Variants in NRP2 observed in about 807,000 individuals in gnomAD.
NRP2 encodes the protein neuropilin 2.
Under a neutral mutation model 110.4 loss-of-function variants are expected in NRP2, and 52 were observed. The ratio of observed to expected loss-of-function variants is 0.47; its 90% CI spans 0.38 to 0.59. The LOEUF (loss-of-function observed/expected upper bound fraction) is 0.59, where lower values mean the gene tolerates loss of function less well. Ranked by LOEUF, NRP2 falls within the 20% of genes least tolerant of loss-of-function variation. NRP2 has a pLI of 0.00. For synonymous variants in NRP2, 508 were observed against 468.9 expected (o/e 1.08, Z -1.08); for missense variants, 1,049 against 1,203.0 (o/e 0.87, Z 1.89).
intron 7 of NRP2, among the ~76,000 whole-genome samples, chr2:205,736,455 G>A (rs956579352): frequency 5.3e-5 from 8 of 152,188 alleles, no homozygotes; most frequent in Non-Finnish European, 1.0e-4. Flanking sequence ...GCAACCCACC[G>A]ATTTTTCTCA....
At chr2:205,759,268 T>C (rs1387515305) in intron 12 of NRP2, among the ~76,000 whole-genome samples, 1 of 152,130 alleles carries the variant, frequency 6.6e-6, no homozygotes, top group Non-Finnish European at 1.5e-5. Context: ...TGTCTCTAAG[T>C]TGGAAAACAG....
intron 15 of NRP2, among the ~76,000 whole-genome samples, chr2:205,789,835 G>A (rs931861103): frequency 4.6e-5 from 7 of 152,228 alleles, no homozygotes; most frequent in Admixed American, 2.0e-4. Context: ...AAGGAAAGTG[G>A]CTGGTAAAGG....
At chr2:205,786,822 G>A (rs1227953629) in intron 15 of NRP2, among the ~76,000 whole-genome samples, 2 of 152,110 alleles carry the variant, frequency 1.3e-5, no homozygotes, top group African/African-American at 4.8e-5. Context: ...TGAGCCAAAC[G>A]GGCAAGTATT....
At chr2:205,779,781 T>C (rs1575674174) in intron 15 of NRP2, 1 of 152,248 alleles carries the variant, frequency 6.6e-6, no homozygotes, top group African/African-American at 2.4e-5. Context: ...AGCAAACTGA[T>C]GCTTCCAAAG....
rs116234005 is a variant in NRP2, at chr2:205,728,736, T to C, written c.1146+690T>C. ...CTGGGTCTGCAGCTGGCACAGGCGA[T>C]GTGCTGGCTCTATGTGTATATACAC... On this transcript the variant is annotated intron_variant, in intron 7 of 16. Coordinates refer to ENST00000357785, the MANE Select transcript of NRP2 (RefSeq NM_003872.3). Among the ~76,000 whole-genome samples, 252 of 152,350 alleles carry C rather than the reference T, an allele frequency of 1.7e-3. 1 individual carries two copies. The highest frequency in any genetic ancestry group is 3.0e-3 in the Non-Finnish European group (203 of 68,034).
chr2:205,746,015 C>A, intron 10 of NRP2, 125 bp downstream of exon 10: 1 of 1,061,726 alleles, frequency 9.4e-7, no homozygotes, highest in South Asian at 1.3e-5. Context: ...CTGCAGACCC[C>A]TGCCATGTTC....
intron 7 of NRP2, among the ~76,000 whole-genome samples, chr2:205,729,912 T>A (rs1348027113): frequency 6.6e-6 from 1 of 152,218 alleles, no homozygotes; most frequent in Non-Finnish European, 1.5e-5. Context: ...TAGATTTAGT[T>A]CCCCAGCAGC....
rs2058364410 is a variant in NRP2 at position 205,797,976 on chromosome 2, A to G, written c.*2918A>G. 1 of 152,638 alleles carries G rather than the reference A, an allele frequency of 6.6e-6. No homozygotes were observed. The highest frequency in any genetic ancestry group is 6.5e-5 in the Admixed American group (1 of 15,290). The allele number at this position is 152,638 out of a possible 1,614,324, so 9.5% of individuals were successfully genotyped here. Reference sequence around the variant, plus strand: ...TTTTTCAGGGTTTGCAGTTAGAGGTATTCGACCATTCACTGGCTGAGCCAG... The same window carrying G: ...TTTTTCAGGGTTTGCAGTTAGAGGTGTTCGACCATTCACTGGCTGAGCCAG... On this transcript the variant is annotated 3_prime_UTR_variant, in exon 17 of 17. Coordinates refer to ENST00000357785, the MANE Select transcript of NRP2 (RefSeq NM_003872.3).
At chr2:205,759,045 T>C (rs1426388516) in intron 12 of NRP2, among the ~76,000 whole-genome samples, 1 of 152,188 alleles carries the variant, frequency 6.6e-6, no homozygotes, top group Non-Finnish European at 1.5e-5. Flanking sequence ...CAAACTTCAG[T>C]TGCAGCACGT....
chr2:205,728,234 G>A (rs73983246), intron 7 of NRP2, among the ~76,000 whole-genome samples, 188 bp downstream of exon 7: 4,650 of 152,278 alleles, frequency 0.031, 230 homozygotes, highest in African/African-American at 0.1. Flanking sequence ...GGAAAACACC[G>A]TTTCTCTGAC....
chr2:205,691,505 T>C lies in NRP2; in HGVS notation c.74-6039T>C, dbSNP rs375110268. The stretch of plus-strand genomic sequence containing the variant: ...ATTATAAATAATAGCTTGGGCTCAA[T>C]TCAAGGCCCAAATTGCTAGGCAAAG... On this transcript the variant is annotated intron_variant, in intron 1 of 16. Coordinates refer to ENST00000357785, the MANE Select transcript of NRP2 (RefSeq NM_003872.3). Among the ~76,000 whole-genome samples the C allele has an allele frequency of 4.8e-4, 73 of 152,354 alleles. 1 individual carries two copies. The highest frequency in any genetic ancestry group is 1.7e-3 in the African/African-American group (70 of 41,580).
intron 1 of NRP2, among the ~76,000 whole-genome samples, chr2:205,695,919 T>C (rs1348076845): frequency 6.6e-6 from 1 of 152,106 alleles, no homozygotes; most frequent in Non-Finnish European, 1.5e-5. Context: ...TCATGTGGTC[T>C]GGGTGGGAGG....
intron 2 of NRP2, among the ~76,000 whole-genome samples, chr2:205,699,574 A>G (rs76149201): frequency 0.019 from 2,894 of 152,306 alleles, 70 homozygotes; most frequent in East Asian, 0.087. Context: ...GGGAAGGACG[A>G]AAGGCCAGAA....
intron 6 of NRP2, 96 bp downstream of exon 6, chr2:205,726,178 A>T: frequency 8.0e-7 from 1 of 1,254,186 alleles, no homozygotes; most frequent in South Asian, 1.2e-5. Context: ...ACACAAAGAA[A>T]ATAAACACAG....
In NRP2 at chr2:205,792,277, A is replaced by T; in HGVS notation, c.2468A>T (p.Glu823Val). The T allele has an allele frequency of 6.2e-7, 1 of 1,603,266 alleles. No individual in the cohort carries two copies. Among genetic ancestry groups the T allele is most frequent in the Non-Finnish European group, 8.5e-7 (1 of 1,170,150 alleles). The change falls in exon 16 of 17, where the codon GAA (glutamate) becomes GTA (valine). Residue 823 changes from glutamate (E) to valine (V), a missense_variant. By Grantham distance (121) the Glu-to-Val change is moderately radical. Transcript: ENST00000357785. The stretch of plus-strand genomic sequence containing the variant: ...CATGAGAGAGAAGGATATGAAGATG[A>T]AATTGATGGTGAGTACTGTTATGAT... ...EIHEREGYED[E>V]IDDEYEVDWS... is the part of the protein sequence containing the mutation.
At chr2:205,690,245 G>A (rs1157457912) in intron 1 of NRP2, among the ~76,000 whole-genome samples, 2 of 152,146 alleles carry the variant, frequency 1.3e-5, no homozygotes, top group African/African-American at 2.4e-5. Context: ...AAAGGAAAAT[G>A]AGGAGGGGGT....
intron 2 of NRP2, among the ~76,000 whole-genome samples, chr2:205,699,352 A>G (rs2056504295): frequency 1.3e-5 from 2 of 152,314 alleles, no homozygotes; most frequent in South Asian, 4.1e-4. Context: ...ATGGAAGCAT[A>G]ATGTACAGAG....
intron 13 of NRP2, among the ~76,000 whole-genome samples, 166 bp from the exon 14 acceptor site, chr2:205,765,308 A>G (rs2057896011): frequency 6.6e-6 from 1 of 152,046 alleles, no homozygotes; most frequent in Non-Finnish European, 1.5e-5. Context: ...AGATTTCAAG[A>G]GCTGTAGCCA....
chr2:205,687,122 C>T (rs535099158), intron 1 of NRP2, among the ~76,000 whole-genome samples: 1 of 152,258 alleles, frequency 6.6e-6, no homozygotes, highest in South Asian at 2.1e-4. Context: ...GGTTTTAACG[C>T]CATTGCCATG....
Sources: gnomAD v4.1 joint callset for allele counts (sites outside exome capture counted in the v4.1 genomes callset) on GRCh38, gnomAD v4.1.1 for gene constraint, MANE v1.5 for transcripts, NCBI Gene and HGNC (gene_info 2026-07-23, HGNC 2026-07-21) for gene names.